The following PPP2CB variants were observed in gnomAD, a reference collection of about 807,000 sequenced individuals.
PPP2CB encodes protein phosphatase 2 catalytic subunit beta.
PPP2CB carries 18 observed loss-of-function variants against 39.1 expected under a neutral mutation model. The ratio of observed to expected loss-of-function variants is 0.46; its 90% CI spans 0.32 to 0.68. PPP2CB has a LOEUF of 0.68. Ranked by LOEUF, PPP2CB falls within the 30% of genes least tolerant of loss-of-function variation. The probability of loss-of-function intolerance (pLI) is 0.04; values close to 1 mark genes in which losing one functional copy is unlikely to be tolerated. For synonymous variants in PPP2CB, 129 were observed against 133.8 expected (o/e 0.96, Z 0.25); for missense variants, 226 against 396.9 (o/e 0.57, Z 3.66).
intron 1 of PPP2CB, chr8:30,810,268 T>G (rs544375717): frequency 6.6e-6 from 1 of 152,260 alleles, no homozygotes; most frequent in Admixed American, 6.5e-5. Flanking sequence ...CTGGCCAGCA[T>G]GGCAAAACCC....
chr8:30,811,509 T>TG (rs887731430), intron 1 of PPP2CB, among the ~76,000 whole-genome samples: 6 of 150,226 alleles, frequency 4.0e-5, no homozygotes, highest in African/African-American at 1.5e-4. Flanking sequence ...TCAGCGATTT[T>TG]TTTTTTTTTT....
chr8:30,794,446 C>A, intron 3 of PPP2CB, 165 bp from the exon 4 acceptor site: 1 of 580,548 alleles, frequency 1.7e-6, no homozygotes, highest in Admixed American at 3.3e-5. Context: ...ATGGTATCCC[C>A]ATCCTTGGGG....
chr8:30,795,574 T>A (rs563632008), intron 3 of PPP2CB, among the ~76,000 whole-genome samples: 1 of 152,324 alleles, frequency 6.6e-6, no homozygotes, highest in East Asian at 1.9e-4. Context: ...GCGTGCCACG[T>A]CTGGTTTGGC....
intron 1 of PPP2CB, among the ~76,000 whole-genome samples, chr8:30,811,355 GA>G: frequency 6.6e-6 from 1 of 152,088 alleles, no homozygotes; most frequent in Non-Finnish European, 1.5e-5. Flanking sequence ...TCTCGTTTCT[GA>G]AAATCAACAC....
Position 30,812,497 on chromosome 8 carries a change from C to T in PPP2CB, c.-76G>A. The T allele has an allele frequency of 9.0e-7, 1 of 1,109,854 alleles. No homozygotes were observed. 68.8% of individuals were successfully genotyped at this position (1,109,854 alleles called of 1,614,324 possible). On this transcript the variant is annotated 5_prime_UTR_variant, in exon 1 of 7. Transcript: ENST00000221138. ...CCCCCCTCCCCACCCGCCCCCGGCC[C>T]CGGCCCGGGCGCCGCTCCCCTCTCC...
At chr8:30,799,445 TA>T in intron 2 of PPP2CB, 100 bp downstream of exon 2, 1 of 958,570 alleles carries the variant, frequency 1.0e-6, no homozygotes, top group Non-Finnish European at 1.6e-6. Flanking sequence ...TAAGGGGCTA[TA>T]AACTGAACAG....
chr8:30,812,519 C>G lies in PPP2CB; in HGVS notation c.-98G>C, dbSNP rs1290208622. The G allele has an allele frequency of 1.2e-6, 1 of 818,884 alleles. No homozygotes were observed. Among genetic ancestry groups the G allele is most frequent in the East Asian group, 3.7e-5 (1 of 27,116 alleles). The allele number at this position is 818,884 out of a possible 1,614,324, so 50.7% of individuals were successfully genotyped here. A position where few individuals can be genotyped will look rare whatever the true frequency, so the allele number is the denominator to read the frequency against. Reference sequence around the variant, plus strand: ...GCCCCGGCCCGGGCGCCGCTCCCCTCTCCCTCCGCCGCCGTCGCCAGGTCC... The same window carrying G: ...GCCCCGGCCCGGGCGCCGCTCCCCTGTCCCTCCGCCGCCGTCGCCAGGTCC... On this transcript the variant is annotated 5_prime_UTR_variant, in exon 1 of 7. Transcript: ENST00000221138.
chr8:30,793,861 T>G, intron 5 of PPP2CB, 56 bp downstream of exon 5: 1 of 1,509,378 alleles, frequency 6.6e-7, no homozygotes, highest in Non-Finnish European at 8.9e-7. Flanking sequence ...TAATGCCTTA[T>G]TACAGAAGTA....
Position 30,786,289 on chromosome 8 carries a change from C to T in PPP2CB, c.876G>A (p.Ala292=), listed in dbSNP as rs757631532. The T allele has an allele frequency of 2.5e-5, 40 of 1,577,888 alleles. No individual in the cohort carries two copies. Among genetic ancestry groups the T allele is most frequent in the South Asian group, 5.8e-5 (5 of 85,968 alleles). The change falls in exon 7 of 7, where the codon GCG becomes GCA. Residue 292 remains alanine, a synonymous_variant. Transcript: ENST00000221138. ...TAACATGAGGCTCACCACGACGAGG[C>T]GCTGGGTCAAATTGAAGGCTGTAAA... The part of the protein sequence containing the change: ...LKYSFLQFDP[A]PRRGEPHVTR...
chr8:30,792,960 G>A (rs1380202300), intron 5 of PPP2CB, among the ~76,000 whole-genome samples: 1 of 151,850 alleles, frequency 6.6e-6, no homozygotes, highest in Non-Finnish European at 1.5e-5. Flanking sequence ...TAAACATCTT[G>A]AAGCCACTCC....
chr8:30,803,360 T>C (rs1806658188), intron 1 of PPP2CB, among the ~76,000 whole-genome samples: 1 of 151,922 alleles, frequency 6.6e-6, no homozygotes, highest in African/African-American at 2.4e-5. Context: ...TTGGACAACA[T>C]GAGGAGACCC....
In PPP2CB at chr8:30,811,087, A is replaced by G. The variant is rs189236056; in HGVS notation, c.102+1233T>C. On this transcript the variant is annotated intron_variant, in intron 1 of 6. Coordinates refer to ENST00000221138, the MANE Select transcript of PPP2CB (RefSeq NM_001009552.2). ...ACCTTGTAAAGGATGAATGTGGACA[A>G]CTCTAGACTTCAAAGATGGAGAGAT... Among the ~76,000 whole-genome samples the G allele has an allele frequency of 1.6e-3, 247 of 152,330 alleles. 1 individual carries two copies. Among genetic ancestry groups the G allele is most frequent in the Admixed American group, 0.011 (169 of 15,294 alleles).
At position 30,786,318 on chromosome 8, in the gene PPP2CB, C is replaced by A; in HGVS notation, c.858-11G>T. 1.3e-6 allele frequency: 2 copies of A among 1,559,274 alleles called. No homozygotes were observed. The highest frequency in any genetic ancestry group is 1.7e-6 in the Non-Finnish European group (2 of 1,150,684). On this transcript the variant is annotated splice_polypyrimidine_tract_variant and intron_variant, in intron 6 of 6. Coordinates refer to ENST00000221138, the MANE Select transcript of PPP2CB (RefSeq NM_001009552.2). ...GGGTCAAATTGAAGGCTGTAAATGG[C>A]AAAAAAGGAAGCAAATAAAGGATCT... is the stretch of plus-strand genomic sequence containing the variant.
chr8:30,796,639 T>C (rs1241414425), intron 3 of PPP2CB, among the ~76,000 whole-genome samples: 1 of 152,184 alleles, frequency 6.6e-6, no homozygotes, highest in Non-Finnish European at 1.5e-5. Flanking sequence ...TCCACCCACC[T>C]TGGCCTCCTA....
Position 30,785,629 on chromosome 8 carries a change from T to C in PPP2CB, c.*606A>G, listed in dbSNP as rs1131407. ...AATAAATGAATGTTTTTGTTTAAAATGAAAAGTTTATTTGCTGAGTACACC... is the reference window on the plus strand; with the variant it reads ...AATAAATGAATGTTTTTGTTTAAAACGAAAAGTTTATTTGCTGAGTACACC... On this transcript the variant is annotated 3_prime_UTR_variant, in exon 7 of 7. Coordinates refer to ENST00000221138, the MANE Select transcript of PPP2CB (RefSeq NM_001009552.2). 0.026 allele frequency: 4,668 copies of C among 176,420 alleles called. 96 individuals carry two copies. Among genetic ancestry groups the C allele is most frequent in the Non-Finnish European group, 0.036 (3,033 of 83,370 alleles). 10.9% of individuals were successfully genotyped at this position (176,420 alleles called of 1,614,324 possible).
intron 2 of PPP2CB, among the ~76,000 whole-genome samples, chr8:30,798,602 A>T (rs1440270034): frequency 3.3e-5 from 5 of 152,228 alleles, no homozygotes; most frequent in Non-Finnish European, 2.9e-5. Context: ...AGTTCCAAAG[A>T]TGACAAAATC....
chr8:30,807,338 T>A (rs996405365), intron 1 of PPP2CB, among the ~76,000 whole-genome samples: 3 of 152,198 alleles, frequency 2.0e-5, no homozygotes, highest in African/African-American at 7.2e-5. Flanking sequence ...TTCACAAAAA[T>A]CACTCATTTT....
intron 1 of PPP2CB, among the ~76,000 whole-genome samples, chr8:30,800,634 TCTGC>T (rs1806605385): frequency 6.6e-6 from 1 of 152,206 alleles, no homozygotes; most frequent in South Asian, 2.1e-4. Flanking sequence ...ATCTGGCCTC[TCTGC>T]CTAATAGCAA....
intron 3 of PPP2CB, among the ~76,000 whole-genome samples, chr8:30,795,000 T>C (rs1363957017): frequency 6.6e-6 from 1 of 152,226 alleles, no homozygotes; most frequent in Non-Finnish European, 1.5e-5. Context: ...TAAAATGGAA[T>C]AATACAAATG....
Sources: allele counts gnomAD v4.1 joint callset (sites outside exome capture counted in the v4.1 genomes callset), GRCh38; gene constraint gnomAD v4.1.1; transcripts MANE v1.5; gene names NCBI Gene and HGNC (gene_info 2026-07-23, HGNC 2026-07-21).